The following HTR7 variants were observed in gnomAD, a reference collection of about 807,000 sequenced individuals.
HTR7 encodes the protein 5-hydroxytryptamine receptor 7.
Under a neutral mutation model 34.0 loss-of-function variants are expected in HTR7, and 16 were observed. That is an observed-to-expected ratio of 0.47 (90% CI 0.32 to 0.71). The LOEUF (loss-of-function observed/expected upper bound fraction) is 0.71. HTR7 is among the 30% of genes least tolerant of loss of function. The pLI, the probability that HTR7 is intolerant of heterozygous loss-of-function variation, is 0.04. For missense variants in HTR7, 504 were observed against 625.5 expected (o/e 0.81, Z 2.07); for synonymous variants, 265 against 260.2 (o/e 1.02, Z -0.18).
intron 1 of HTR7, among the ~76,000 whole-genome samples, chr10:90,826,819 C>T (rs1315927560): frequency 2.0e-5 from 3 of 151,956 alleles, no homozygotes; most frequent in Non-Finnish European, 2.9e-5. Context: ...TGCCTGTGGT[C>T]CCAGCTGCTC....
At chr10:90,784,171 T>C (rs1379318934) in intron 1 of HTR7, among the ~76,000 whole-genome samples, 1 of 152,226 alleles carries the variant, frequency 6.6e-6, no homozygotes. Context: ...TGAGGAGATT[T>C]AACCATTTAT....
At position 90,857,108 on chromosome 10, in the gene HTR7, T is replaced by C. The variant is rs1197674579; in HGVS notation, c.539+25A>G. 10 of 1,515,936 alleles carry C rather than the reference T, an allele frequency of 6.6e-6. No individual in the cohort carries two copies. Among genetic ancestry groups the C allele is most frequent in the South Asian group, 2.6e-5 (2 of 77,388 alleles). 93.9% of individuals were successfully genotyped at this position (1,515,936 alleles called of 1,614,324 possible). On this transcript the variant is annotated intron_variant, in intron 1 of 3. Transcript: ENST00000336152. This position sits in a 1 kb window ranked among gnomAD's most constrained non-coding sequence, Gnocchi z 6.5. Reference sequence around the variant, plus strand: ...TGCCAGCCGGTCCCCAGCCGGAGCCTGGGACGGGGCGGTCCGGCCCTTACC... The same window carrying C: ...TGCCAGCCGGTCCCCAGCCGGAGCCCGGGACGGGGCGGTCCGGCCCTTACC...
intron 1 of HTR7, among the ~76,000 whole-genome samples, chr10:90,773,525 C>G (rs4471341): frequency 0.62 from 93,627 of 151,952 alleles, 30,512 homozygotes; most frequent in African/African-American, 0.85. Context: ...ATTGACTATA[C>G]TCACCCTGTT....
At position 90,806,896 on chromosome 10, in the gene HTR7, G is replaced by A. The variant is rs898731355; in HGVS notation, c.539+50237C>T. ...CAGCCTCAAAGCCACCTGCAAAGGG[G>A]AAAGATAGACTGGGGCAACAAAAAG... is the stretch of plus-strand genomic sequence containing the variant. On this transcript the variant is annotated intron_variant, in intron 1 of 3. Coordinates refer to ENST00000336152, the MANE Select transcript of HTR7 (RefSeq NM_019859.4). Among the ~76,000 whole-genome samples, 8 of 152,168 alleles carry A rather than the reference G, an allele frequency of 5.3e-5. No homozygotes were observed. The East Asian group carries it at 1.4e-3, about 26-fold the overall frequency.
In HTR7 at chr10:90,786,150, G is replaced by A. The variant is rs115055043; in HGVS notation, c.540-36556C>T. On this transcript the variant is annotated intron_variant, in intron 1 of 3. Transcript: ENST00000336152. ...CATTAAAAACACATAATTTAGAAGAGCAGGCAGATTAACACCTGATCTTTA... is the reference window on the plus strand; with the variant it reads ...CATTAAAAACACATAATTTAGAAGAACAGGCAGATTAACACCTGATCTTTA... Among the ~76,000 whole-genome samples, 1,049 of 152,320 alleles carry A rather than the reference G, an allele frequency of 6.9e-3. 14 individuals carry two copies. Among genetic ancestry groups the A allele is most frequent in the African/African-American group, 0.024 (982 of 41,566 alleles).
chr10:90,794,862 C>T (rs567591792), intron 1 of HTR7, among the ~76,000 whole-genome samples: 24 of 152,226 alleles, frequency 1.6e-4, no homozygotes, highest in African/African-American at 4.8e-4. Context: ...TAATTTACAC[C>T]GGCATCACCA....
At chr10:90,849,360 A>G (rs150357449) in intron 1 of HTR7, among the ~76,000 whole-genome samples, 2 of 152,344 alleles carry the variant, frequency 1.3e-5, no homozygotes, top group African/African-American at 4.8e-5. Flanking sequence ...TTGTCAATCT[A>G]GAGGGTTAAA....
rs1307070476 is a variant in HTR7 at position 90,754,571 on chromosome 10, C to T, written c.540-4977G>A. Among the ~76,000 whole-genome samples the T allele has an allele frequency of 4.6e-5, 7 of 152,046 alleles. No homozygotes were observed. The East Asian group carries it at 5.8e-4, about 13-fold the overall frequency. ...GTTAAAGTACAGTAAATCTCAGAGA[C>T]GAAAGCACTGAAGTATTATATAATT... On this transcript the variant is annotated intron_variant, in intron 1 of 3. Coordinates refer to ENST00000336152, the MANE Select transcript of HTR7 (RefSeq NM_019859.4).
chr10:90,810,055 C>A (rs1439635308), intron 1 of HTR7, among the ~76,000 whole-genome samples: 2 of 152,178 alleles, frequency 1.3e-5, no homozygotes, highest in Non-Finnish European at 2.9e-5. Flanking sequence ...CCCTTGCCTC[C>A]ATAACTGTTG....
intron 1 of HTR7, among the ~76,000 whole-genome samples, chr10:90,752,627 T>A (rs1424598352): frequency 6.6e-6 from 1 of 151,750 alleles, no homozygotes; most frequent in East Asian, 1.9e-4. Context: ...AAAAAAAGTA[T>A]AAAGCCACAG....
At chr10:90,806,380 C>A (rs4350278) in intron 1 of HTR7, among the ~76,000 whole-genome samples, 41,936 of 151,920 alleles carry the variant, frequency 0.28, 6,319 homozygotes, top group African/African-American at 0.4. Context: ...GGGCGGATCA[C>A]GAGGTCAGGA....
chr10:90,838,719 T>G (rs1159968864), intron 1 of HTR7, among the ~76,000 whole-genome samples: 1 of 152,182 alleles, frequency 6.6e-6, no homozygotes. Flanking sequence ...CCCAGGGCCT[T>G]TCTGCCAGCT....
chr10:90,758,776 G>A (rs1428496433), intron 1 of HTR7, among the ~76,000 whole-genome samples: 1 of 151,380 alleles, frequency 6.6e-6, no homozygotes, highest in East Asian at 1.9e-4. Flanking sequence ...GCAGGCATTT[G>A]GGAAAGAAAA....
intron 1 of HTR7, among the ~76,000 whole-genome samples, chr10:90,854,205 T>G (rs1846545114): frequency 6.6e-6 from 1 of 152,114 alleles, no homozygotes; most frequent in Non-Finnish European, 1.5e-5. Context: ...ATTCAAAAAT[T>G]AGCCGGGTGT....
At chr10:90,779,776 A>C (rs943054062) in intron 1 of HTR7, among the ~76,000 whole-genome samples, 2 of 152,210 alleles carry the variant, frequency 1.3e-5, no homozygotes, top group Non-Finnish European at 2.9e-5. Context: ...GGAGGCAGGG[A>C]AGTGCAATTT....
chr10:90,783,465 A>G (rs73314019), intron 1 of HTR7, among the ~76,000 whole-genome samples: 2,674 of 152,186 alleles, frequency 0.018, 89 homozygotes, highest in African/African-American at 0.06. Flanking sequence ...CCTATCCCCA[A>G]TGGAAGCTAA....
chr10:90,783,263 C>T (rs1030296591), intron 1 of HTR7, among the ~76,000 whole-genome samples: 3 of 152,156 alleles, frequency 2.0e-5, no homozygotes, highest in Non-Finnish European at 4.4e-5. Context: ...AGAAAGACTT[C>T]CCACTACCAG....
intron 1 of HTR7, among the ~76,000 whole-genome samples, chr10:90,781,083 A>G (rs900432560): frequency 2.0e-5 from 3 of 152,218 alleles, no homozygotes; most frequent in African/African-American, 7.2e-5. Context: ...GTATGAATTG[A>G]AAAGTGGAAG....
At chr10:90,818,131 C>T (rs1356150646) in intron 1 of HTR7, among the ~76,000 whole-genome samples, 2 of 152,094 alleles carry the variant, frequency 1.3e-5, no homozygotes, top group Non-Finnish European at 2.9e-5. Context: ...AATCTTAATC[C>T]CCAACGCAAC....
Sources: gnomAD v4.1 joint callset for allele counts (sites outside exome capture counted in the v4.1 genomes callset) on GRCh38, gnomAD v4.1.1 for gene constraint, Gnocchi (gnomAD v3.1) non-coding constraint, MANE v1.5 for transcripts, NCBI Gene and HGNC (gene_info 2026-07-23, HGNC 2026-07-21) for gene names.